Variants in ITFG1 observed in about 807,000 individuals in gnomAD.
ITFG1 encodes the protein integrin alpha FG-GAP repeat containing 1.
ITFG1 carries 34 observed loss-of-function variants against 81.8 expected under a neutral mutation model. That is an observed-to-expected ratio of 0.42 (90% CI 0.32 to 0.55). ITFG1 has a LOEUF of 0.55. Among genes scored for constraint, ITFG1 ranks in the 20% least tolerant of loss-of-function variants. ITFG1 has a pLI of 0.17. For missense variants in ITFG1, 672 were observed against 755.4 expected, an observed-to-expected ratio of 0.89 and a Z score of 1.29; for synonymous variants, 285 against 270.6, an observed-to-expected ratio of 1.05 and a Z score of -0.52.
intron 8 of ITFG1, 108 bp downstream of exon 8, chr16:47,365,680 A>G (rs1264127971): frequency 3.0e-6 from 2 of 656,326 alleles, no homozygotes; most frequent in African/African-American, 3.6e-5. Context: ...ATAGCTCTGA[A>G]GACCCTGGAG....
At chr16:47,242,447 TAATA>T (rs1965945943) in intron 12 of ITFG1, among the ~76,000 whole-genome samples, 1 of 151,720 alleles carries the variant, frequency 6.6e-6, no homozygotes, top group African/African-American at 2.4e-5. Flanking sequence ...GTAAGGAAAA[TAATA>T]AATATATTAT....
At chr16:47,354,491 G>T (rs1485606306) in intron 8 of ITFG1, among the ~76,000 whole-genome samples, 3 of 152,088 alleles carry the variant, frequency 2.0e-5, no homozygotes, top group African/African-American at 7.2e-5. Context: ...CATTGGTCTT[G>T]TCAAGGATTT....
chr16:47,402,684 A>C (rs188401266), intron 6 of ITFG1, among the ~76,000 whole-genome samples: 1 of 152,308 alleles, frequency 6.6e-6, no homozygotes, highest in East Asian at 1.9e-4. Flanking sequence ...GCTTTTATAG[A>C]CTCGATTTGC....
chr16:47,451,352 C>A (rs1387001519), intron 5 of ITFG1, 44 bp downstream of exon 5: 2 of 1,035,510 alleles, frequency 1.9e-6, no homozygotes, highest in African/African-American at 1.6e-5. Flanking sequence ...AAAGTAGAAG[C>A]AATATATACG....
intron 10 of ITFG1, among the ~76,000 whole-genome samples, chr16:47,306,391 A>C (rs1967159099): frequency 6.6e-6 from 1 of 152,268 alleles, no homozygotes. Context: ...AAGCATAAAA[A>C]ATGAAGAGAT....
At chr16:47,202,293 C>G (rs1426397927) in intron 14 of ITFG1, 1 of 152,114 alleles carries the variant, frequency 6.6e-6, no homozygotes, top group African/African-American at 2.4e-5. Context: ...TTAATACACT[C>G]AAGTAGTTTA....
chr16:47,453,788 A>G (rs1362028485), intron 3 of ITFG1, among the ~76,000 whole-genome samples: 3 of 152,210 alleles, frequency 2.0e-5, no homozygotes, highest in Admixed American at 1.3e-4. Context: ...ATCCTTTAAT[A>G]AATCTCTGTC....
chr16:47,353,728 T>C lies in ITFG1; in HGVS notation c.802+12060A>G, dbSNP rs138382517. 5.8e-3 allele frequency among the ~76,000 whole-genome samples: 877 copies of C among 152,004 alleles called. 7 individuals are homozygous for C. The highest frequency in any genetic ancestry group is 0.02 in the African/African-American group (832 of 41,472). ...ATACAAATCAACATGCAAAAATCAG[T>C]AGCATTTCTATACATAATAATAAAC... On this transcript the variant is annotated intron_variant, in intron 8 of 17. Coordinates refer to ENST00000320640, the MANE Select transcript of ITFG1 (RefSeq NM_030790.5).
chr16:47,361,021 A>C (rs185006103), intron 8 of ITFG1, among the ~76,000 whole-genome samples: 7 of 152,230 alleles, frequency 4.6e-5, no homozygotes, highest in Admixed American at 2.6e-4. Context: ...CACTATCTTT[A>C]AGTTGTTCAA....
chr16:47,368,318 G>C (rs1052037729), intron 7 of ITFG1, among the ~76,000 whole-genome samples: 2 of 150,458 alleles, frequency 1.3e-5, no homozygotes, highest in Non-Finnish European at 3.0e-5. Context: ...TTGGAAGGCC[G>C]AGGCAGGCAG....
At chr16:47,433,656 A>C (rs1461328584) in intron 5 of ITFG1, among the ~76,000 whole-genome samples, 1 of 151,578 alleles carries the variant, frequency 6.6e-6, no homozygotes, top group Non-Finnish European at 1.5e-5. Context: ...GCTGATCCTT[A>C]AGAGTTTATT....
intron 10 of ITFG1, 82 bp from the exon 11 acceptor site, chr16:47,260,777 G>A: frequency 7.1e-7 from 1 of 1,408,260 alleles, no homozygotes; most frequent in Non-Finnish European, 1.0e-6. Context: ...TAGATTAAAA[G>A]GAGACGGTAA....
intron 14 of ITFG1, among the ~76,000 whole-genome samples, chr16:47,212,286 T>A (rs1596811304): frequency 2.0e-5 from 3 of 152,296 alleles, no homozygotes; most frequent in African/African-American, 7.2e-5. Flanking sequence ...CAATTGTGGC[T>A]CACTGTAACC....
At chr16:47,299,223 T>C (rs541436834) in intron 10 of ITFG1, among the ~76,000 whole-genome samples, 131 of 152,316 alleles carry the variant, frequency 8.6e-4, no homozygotes, top group Middle Eastern at 3.4e-3. Flanking sequence ...ACTTATAGGA[T>C]GAAACTGTAT....
chr16:47,368,491 C>T lies in ITFG1; in HGVS notation c.721-2622G>A, dbSNP rs139988692. On this transcript the variant is annotated intron_variant, in intron 7 of 17. Coordinates refer to ENST00000320640, the MANE Select transcript of ITFG1 (RefSeq NM_030790.5). ...AATCACGTGAACCTGGGAGGTGGAG[C>T]AAGCAAGTGAGCCAAGACTGAGTCA... Among the ~76,000 whole-genome samples, 1,011 of 122,470 alleles carry T rather than the reference C, an allele frequency of 8.3e-3. 16 individuals carry two copies. The highest frequency in any genetic ancestry group is 0.031 in the African/African-American group (966 of 31,402). 80.3% of individuals were successfully genotyped at this position (122,470 alleles called of 152,430 possible).
In ITFG1 at chr16:47,155,687, C is replaced by A; in HGVS notation, c.*32G>T. On this transcript the variant is annotated 3_prime_UTR_variant, in exon 18 of 18. Transcript: ENST00000320640. ...TTTGTGTTTCAACTAATCAAGTGAA[C>A]AGCCATTCCATTATGTAATATTAAA... is the stretch of plus-strand genomic sequence containing the variant. The A allele has an allele frequency of 6.9e-7, 1 of 1,459,646 alleles. No homozygotes were observed. Among genetic ancestry groups the A allele is most frequent in the African/African-American group, 1.4e-5 (1 of 70,664 alleles). The allele number at this position is 1,459,646 out of a possible 1,614,324, so 90.4% of individuals were successfully genotyped here.
chr16:47,404,055 C>T (rs1225861383), intron 6 of ITFG1, among the ~76,000 whole-genome samples: 4 of 152,094 alleles, frequency 2.6e-5, no homozygotes, highest in South Asian at 2.1e-4. Flanking sequence ...ATAAATGTAA[C>T]GCCCTTGAAT....
intron 13 of ITFG1, among the ~76,000 whole-genome samples, chr16:47,225,634 T>C (rs1016630762): frequency 1.3e-5 from 2 of 152,104 alleles, no homozygotes; most frequent in Non-Finnish European, 2.9e-5. Flanking sequence ...TAGAAGGCAA[T>C]AGGATGATAA....
At chr16:47,389,999 C>CA (rs1968510590) in intron 6 of ITFG1, among the ~76,000 whole-genome samples, 1 of 152,058 alleles carries the variant, frequency 6.6e-6, no homozygotes, top group African/African-American at 2.4e-5. Flanking sequence ...TCAGACTGGA[C>CA]AAAAAATGCC....
Sources: allele counts gnomAD v4.1 joint callset (sites outside exome capture counted in the v4.1 genomes callset), GRCh38; gene constraint gnomAD v4.1.1; transcripts MANE v1.5; gene names NCBI Gene and HGNC (gene_info 2026-07-23, HGNC 2026-07-21).